The following TNNT3 variants were observed in gnomAD, a reference collection of about 807,000 sequenced individuals.
TNNT3 encodes troponin T3, fast skeletal type, also known as troponin T, fast skeletal muscle.
Under a neutral mutation model 54.2 loss-of-function variants are expected in TNNT3, and 36 were observed. The observed-to-expected ratio is 0.66, with a 90% CI of 0.51 to 0.88. The LOEUF (loss-of-function observed/expected upper bound fraction) is 0.88, where lower values mean the gene tolerates loss of function less well. Among genes scored for constraint, TNNT3 ranks in the 40% least tolerant of loss-of-function variants. The pLI is 0.00. For synonymous variants in TNNT3, 120 were observed against 109.7 expected, an observed-to-expected ratio of 1.09 and a Z score of -0.59; for missense variants, 291 against 331.6, an observed-to-expected ratio of 0.88 and a Z score of 0.95.
chr11:1,928,928 C>G lies in TNNT3; in HGVS notation c.83-192C>G, dbSNP rs1176240705. 5 of 700,298 alleles carry G rather than the reference C, an allele frequency of 7.1e-6. No individual in the cohort carries two copies. The Admixed American group carries it at 8.1e-5, about 11-fold the overall frequency. The allele number at this position is 700,298 out of a possible 1,614,324, so 43.4% of individuals were successfully genotyped here. A position where few individuals can be genotyped will look rare whatever the true frequency, so the allele number is the denominator to read the frequency against. On this transcript the variant is annotated intron_variant, in intron 6 of 15. Coordinates refer to ENST00000278317, the MANE Select transcript of TNNT3 (RefSeq NM_006757.4). ...ACTGGGCACCCAGCCCCTTCCACCCCCTCCCCAGGCATTGATTCACCGGCC... is the reference window on the plus strand; with the variant it reads ...ACTGGGCACCCAGCCCCTTCCACCCGCTCCCCAGGCATTGATTCACCGGCC...
intron 6 of TNNT3, among the ~76,000 whole-genome samples, chr11:1,928,415 A>AG (rs1214375784): frequency 6.6e-6 from 1 of 152,160 alleles, no homozygotes; most frequent in East Asian, 1.9e-4. Flanking sequence ...GAGAGGTAGC[A>AG]GGGGGGTCCC....
At chr11:1,933,019 C>CCCATCCAT (rs1193429371) in intron 9 of TNNT3, among the ~76,000 whole-genome samples, 1 of 151,454 alleles carries the variant, frequency 6.6e-6, no homozygotes, top group Admixed American at 6.6e-5. Context: ...CACCCATCCA[C>CCCATCCAT]CCATCCATCC....
intron 8 of TNNT3, among the ~76,000 whole-genome samples, chr11:1,930,896 A>G (rs925801868): frequency 2.0e-5 from 3 of 152,236 alleles, no homozygotes; most frequent in African/African-American, 7.2e-5. Flanking sequence ...TAAAAGTCAA[A>G]TGAAGAAAAA....
At chr11:1,922,703 G>C in intron 1 of TNNT3, 154 bp from the exon 2 acceptor site, 2 of 714,342 alleles carry the variant, frequency 2.8e-6, no homozygotes, top group Admixed American at 2.0e-5. Flanking sequence ...GGCCCAAGGA[G>C]GTGGACTCAC....
chr11:1,921,874 G>C (rs941566972), intron 1 of TNNT3, among the ~76,000 whole-genome samples: 2 of 152,212 alleles, frequency 1.3e-5, no homozygotes, highest in Non-Finnish European at 2.9e-5. Flanking sequence ...CCCAGGCCTG[G>C]CCGCCCAGTG....
Position 1,934,517 on chromosome 11 carries a change from G to T in TNNT3, c.481-29G>T, listed in dbSNP as rs750070875. The T allele has an allele frequency of 3.1e-6, 5 of 1,607,134 alleles. No individual in the cohort carries two copies. In the African/African-American group the frequency reaches 5.4e-5, roughly 17 times the overall value. Reference sequence around the variant, plus strand: ...ACGCCCTGTGCCCTCCTGAGACCAGGCCCCTCTCTTTGGGCCTGTCCGCTG... The same window carrying T: ...ACGCCCTGTGCCCTCCTGAGACCAGTCCCCTCTCTTTGGGCCTGTCCGCTG... On this transcript the variant is annotated intron_variant, in intron 12 of 15. Transcript: ENST00000278317.
chr11:1,926,930 T>C (rs987146853), intron 6 of TNNT3, among the ~76,000 whole-genome samples: 1 of 152,080 alleles, frequency 6.6e-6, no homozygotes, highest in Non-Finnish European at 1.5e-5. Context: ...ATTGATTCCA[T>C]AGCCTGGGGA....
chr11:1,931,765 T>C (rs1853450065), intron 8 of TNNT3, among the ~76,000 whole-genome samples: 1 of 149,246 alleles, frequency 6.7e-6, no homozygotes, highest in Admixed American at 6.8e-5. Context: ...ATTTGCGTGG[T>C]GTCATCTGGC....
At chr11:1,929,772 T>G in intron 7 of TNNT3, 38 bp from the exon 8 acceptor site, 3 of 1,551,748 alleles carry the variant, frequency 1.9e-6, no homozygotes, top group Non-Finnish European at 2.6e-6. Context: ...CTCCCCACGC[T>G]GGTGTCCCTC....
chr11:1,922,748 G>C, intron 1 of TNNT3, 109 bp from the exon 2 acceptor site: 2 of 1,087,750 alleles, frequency 1.8e-6, no homozygotes, highest in Admixed American at 3.6e-5. Context: ...CCCTGCCCGC[G>C]GTCCCCCACA....
At chr11:1,922,825 C>G in intron 1 of TNNT3, 32 bp from the exon 2 acceptor site, 1 of 1,591,106 alleles carries the variant, frequency 6.3e-7, no homozygotes, top group Non-Finnish European at 8.6e-7. Context: ...TCCATCCTCT[C>G]TCTCTCTCTC....
At chr11:1,934,501 G>T (rs1854373211) in intron 12 of TNNT3, 45 bp from the exon 13 acceptor site, 1 of 1,607,294 alleles carries the variant, frequency 6.2e-7, no homozygotes. Context: ...TACGCCCTGT[G>T]CCCTCCTGAG....
chr11:1,935,670 G>A lies in TNNT3; in HGVS notation c.681+751G>A, dbSNP rs1030143397. The A allele has an allele frequency of 1.1e-4, 19 of 175,392 alleles. No homozygotes were observed. The East Asian group carries it at 1.9e-3, about 18-fold the overall frequency. 10.9% of individuals were successfully genotyped at this position (175,392 alleles called of 1,614,324 possible). ...GCAGCCATGGGTGATCCACGTGCTCGGGGCAAATGCAGACACTCCAGCATC... is the reference window on the plus strand; with the variant it reads ...GCAGCCATGGGTGATCCACGTGCTCAGGGCAAATGCAGACACTCCAGCATC... On this transcript the variant is annotated intron_variant, in intron 14 of 15. Transcript: ENST00000278317.
intron 11 of TNNT3, 108 bp from the exon 12 acceptor site, chr11:1,934,224 G>T: frequency 8.7e-7 from 1 of 1,144,094 alleles, no homozygotes; most frequent in South Asian, 1.3e-5. Context: ...CTAAGCCCAG[G>T]GTGGGCCCTT....
At position 1,929,113 on chromosome 11, in the gene TNNT3, C is replaced by G. The variant is rs1300711891; in HGVS notation, c.83-7C>G. 1.2e-6 allele frequency: 2 copies of G among 1,613,334 alleles called. No individual in the cohort carries two copies. Among genetic ancestry groups the G allele is most frequent in the Non-Finnish European group, 8.5e-7 (1 of 1,179,950 alleles). On this transcript the variant is annotated splice_region_variant and splice_polypyrimidine_tract_variant and intron_variant, in intron 6 of 15. Transcript: ENST00000278317. ...CATGTGTGCTTGTGCCTTTTGCCACCTGGAAGACACCGCAGAGGAGGACGC... is the reference window on the plus strand; with the variant it reads ...CATGTGTGCTTGTGCCTTTTGCCACGTGGAAGACACCGCAGAGGAGGACGC...
rs564508952 is a variant in TNNT3, at chr11:1,935,291, G to A, written c.681+372G>A. On this transcript the variant is annotated intron_variant, in intron 14 of 15. Coordinates refer to ENST00000278317, the MANE Select transcript of TNNT3 (RefSeq NM_006757.4). ...CCCCATCATCACCCAGCTCGGCCCC[G>A]GGGCACCGAGTCCGTCTGGTGTGGG... The A allele has an allele frequency of 1.8e-3, 622 of 354,812 alleles. 2 individuals carry two copies. Among genetic ancestry groups the A allele is most frequent in the Admixed American group, 3.0e-3 (78 of 26,386 alleles). 22.0% of individuals were successfully genotyped at this position (354,812 alleles called of 1,614,324 possible).
At chr11:1,936,396 C>A in intron 14 of TNNT3, 1 of 943,452 alleles carries the variant, frequency 1.1e-6, no homozygotes, top group Non-Finnish European at 1.6e-6. Context: ...CCGCTCTCCC[C>A]TCGTGCCTGC....
chr11:1,923,563 G>T lies in TNNT3; in HGVS notation c.40G>T (p.Glu14Ter). The T allele has an allele frequency of 6.2e-7, 1 of 1,613,472 alleles. No homozygotes were observed. Among genetic ancestry groups the T allele is most frequent in the Non-Finnish European group, 8.5e-7 (1 of 1,179,860 alleles). Residue 14 changes from glutamate (E) to a stop codon, truncating the protein, a stop_gained, in exon 4 of 16, where the codon GAA becomes TAA. Transcript: ENST00000278317. LOFTEE classifies it high-confidence loss of function. The stretch of plus-strand genomic sequence containing the variant: ...GTTCTGTCCCAATGCAGAGCAGTAC[G>T]AAGAAGAAGGTAATTCTGGCAACCA... Reference protein sequence around the residue: ...EEVEQVEEQYEEEEEAQEEEE... With the variant: ...EEVEQVEEQY
Position 1,923,557 on chromosome 11 carries a change from C to G in TNNT3, c.34C>G (p.Gln12Glu). 1 of 1,614,002 alleles carries G rather than the reference C, an allele frequency of 6.2e-7. No individual in the cohort carries two copies. The highest frequency in any genetic ancestry group is 1.1e-5 in the South Asian group (1 of 91,066). Residue 12 changes from glutamine (Q) to glutamate (E), a missense_variant and splice_region_variant, in exon 4 of 16, where the codon CAG (glutamine) becomes GAG (glutamate). Gln to Glu is a conservative substitution (Grantham distance 29). Coordinates refer to ENST00000278317, the MANE Select transcript of TNNT3 (RefSeq NM_006757.4). ...SDEEVEQVEE[Q>E]YEEEEEAQEE... ...CTCTTTGTTCTGTCCCAATGCAGAG[C>G]AGTACGAAGAAGAAGGTAATTCTGG...
Sources: allele counts gnomAD v4.1 joint callset (sites outside exome capture counted in the v4.1 genomes callset), GRCh38; gene constraint gnomAD v4.1.1; transcripts MANE v1.5; gene names NCBI Gene and HGNC (gene_info 2026-07-23, HGNC 2026-07-21).